SMARCA2: variants seen among roughly 807,000 people sequenced by gnomAD.
SMARCA2 encodes SWI/SNF related BAF chromatin remodeling complex subunit ATPase 2.
Under a neutral mutation model 199.8 loss-of-function variants are expected in SMARCA2, and 61 were observed. The observed-to-expected ratio is 0.31, with a 90% CI of 0.25 to 0.38. SMARCA2 has a LOEUF of 0.38. Among genes scored for constraint, SMARCA2 ranks in the 10% least tolerant of loss-of-function variants. The pLI is 1.00. For missense variants in SMARCA2, 1,344 were observed against 2,012.2 expected (o/e 0.67, Z 6.35); for synonymous variants, 935 against 732.0 (o/e 1.28, Z -4.48).
At chr9:2,028,901 G>A in intron 1 of SMARCA2, 86 bp from the exon 2 acceptor site, 2 of 1,097,512 alleles carry the variant, frequency 1.8e-6, no homozygotes, top group Non-Finnish European at 2.6e-6. Context: ...TACAGAAATG[G>A]CACCATCAAA....
At chr9:2,081,494 A>G (rs1821565813) in intron 14 of SMARCA2, among the ~76,000 whole-genome samples, 1 of 152,122 alleles carries the variant, frequency 6.6e-6, no homozygotes, top group South Asian at 2.1e-4. Context: ...TTGGCTTTTT[A>G]TTCTTGGAGT....
At chr9:2,096,075 A>G (rs564846587) in intron 19 of SMARCA2, among the ~76,000 whole-genome samples, 1 of 152,320 alleles carries the variant, frequency 6.6e-6, no homozygotes, top group African/African-American at 2.4e-5. Flanking sequence ...GTAGTGTCCA[A>G]TTGTGGATTA....
intron 31 of SMARCA2, among the ~76,000 whole-genome samples, chr9:2,183,324 G>A (rs537666863): frequency 6.6e-6 from 1 of 152,240 alleles, no homozygotes; most frequent in East Asian, 1.9e-4. Context: ...CTTTTTATCA[G>A]CCCAATTGCA....
chr9:2,191,560 C>T (rs1586825402), intron 33 of SMARCA2, 152 bp downstream of exon 33: 7 of 818,042 alleles, frequency 8.6e-6, no homozygotes, highest in South Asian at 1.7e-5. Context: ...GGGATGTGAA[C>T]GGAGCTGTAT....
intron 9 of SMARCA2, 99 bp downstream of exon 9, chr9:2,061,085 G>GTAA: frequency 1.7e-6 from 2 of 1,155,286 alleles, no homozygotes; most frequent in Non-Finnish European, 2.4e-6. Context: ...TTACACTGGT[G>GTAA]GAAGGTTTAG....
intron 27 of SMARCA2, chr9:2,159,457 A>G (rs1030670566): frequency 9.5e-6 from 2 of 210,424 alleles, no homozygotes; most frequent in African/African-American, 4.6e-5. Flanking sequence ...GCTATTTTTT[A>G]AAAAATAAGG....
chr9:2,082,166 A>G (rs558074486), intron 15 of SMARCA2, among the ~76,000 whole-genome samples, 171 bp downstream of exon 15: 1 of 152,006 alleles, frequency 6.6e-6, no homozygotes, highest in South Asian at 2.1e-4. Context: ...ACCCCTCCCC[A>G]TCCTAGCCTG....
intron 14 of SMARCA2, 71 bp downstream of exon 14, chr9:2,077,847 G>A: frequency 7.1e-7 from 1 of 1,411,164 alleles, no homozygotes; most frequent in Non-Finnish European, 9.7e-7. Flanking sequence ...AGTATGTCGT[G>A]CACATGTTGA....
chr9:2,156,369 C>G (rs1315611175), intron 27 of SMARCA2, among the ~76,000 whole-genome samples: 5 of 108,550 alleles, frequency 4.6e-5, no homozygotes, highest in African/African-American at 2.0e-4. Flanking sequence ...TTTTCAGGGA[C>G]TTTTTTTTCT....
chr9:2,059,118 C>G (rs1424964079), intron 8 of SMARCA2, among the ~76,000 whole-genome samples: 1 of 151,888 alleles, frequency 6.6e-6, no homozygotes, highest in African/African-American at 2.4e-5. Flanking sequence ...TTTTTATTGA[C>G]CATTTATTTT....
At chr9:2,043,830 C>G (rs1428923979) in intron 4 of SMARCA2, 1 of 152,212 alleles carries the variant, frequency 6.6e-6, no homozygotes, top group Non-Finnish European at 1.5e-5. Context: ...CGCTGGGACT[C>G]CCTTCTGGAG....
At chr9:2,037,241 T>G (rs1819374882) in intron 3 of SMARCA2, among the ~76,000 whole-genome samples, 1 of 152,240 alleles carries the variant, frequency 6.6e-6, no homozygotes, top group Non-Finnish European at 1.5e-5. Context: ...TCTAAGTGTT[T>G]ATTGTTATAA....
intron 3 of SMARCA2, chr9:2,033,295 A>G: frequency 2.0e-6 from 1 of 505,898 alleles, no homozygotes; most frequent in Non-Finnish European, 3.5e-6. Flanking sequence ...TAATTTTACT[A>G]GCCACCATGT....
intron 5 of SMARCA2, among the ~76,000 whole-genome samples, chr9:2,051,054 G>A (rs756236837): frequency 2.0e-5 from 3 of 152,026 alleles, no homozygotes; most frequent in African/African-American, 2.4e-5. Flanking sequence ...TCTCTTTATC[G>A]GACTACCTGC....
At chr9:2,116,876 G>A (rs1450263382) in intron 25 of SMARCA2, among the ~76,000 whole-genome samples, 1 of 152,186 alleles carries the variant, frequency 6.6e-6, no homozygotes, top group Non-Finnish European at 1.5e-5. Context: ...TGAAGAGTAA[G>A]TCTACCTTAC....
At chr9:2,048,802 G>A (rs1467570753) in intron 5 of SMARCA2, among the ~76,000 whole-genome samples, 1 of 152,134 alleles carries the variant, frequency 6.6e-6, no homozygotes, top group Non-Finnish European at 1.5e-5. Flanking sequence ...ATATTTCAGT[G>A]CTGATAGGCA....
chr9:2,122,993 G>T (rs1256163186), intron 26 of SMARCA2, among the ~76,000 whole-genome samples: 1 of 152,162 alleles, frequency 6.6e-6, no homozygotes, highest in African/African-American at 2.4e-5. Context: ...GCTCTGAAAG[G>T]AATCCATTTC....
Position 2,051,127 on chromosome 9 carries a change from C to G in SMARCA2, c.1047-3470C>G. ...GGAACATTATTTAAAATGAAGATTTCTATTAACAACAACAACATCAACAAA... is the reference window on the plus strand; with the variant it reads ...GGAACATTATTTAAAATGAAGATTTGTATTAACAACAACAACATCAACAAA... On this transcript the variant is annotated intron_variant, in intron 5 of 33. Transcript: ENST00000349721. Among the ~76,000 whole-genome samples the G allele has an allele frequency of 1.3e-5, 2 of 152,152 alleles. 1 individual carries two copies. The highest frequency in any genetic ancestry group is 3.9e-4 in the East Asian group (2 of 5,194).
rs960667340 is a variant in SMARCA2 at position 2,123,853 on chromosome 9, G to A, written c.3897G>A (p.Glu1299=). 3 of 1,610,086 alleles carry A rather than the reference G, an allele frequency of 1.9e-6. No individual in the cohort carries two copies. The African/African-American group carries it at 4.0e-5, about 21-fold the overall frequency. ...TAGAAAGGCTCACCTGTGAAGAAGAGGAGGAGAAAATATTTGGGAGGGGGT... is the reference window on the plus strand; with the variant it reads ...TAGAAAGGCTCACCTGTGAAGAAGAAGAGGAGAAAATATTTGGGAGGGGGT... The part of the protein sequence containing the change: ...AEVERLTCEE[E]EEKIFGRGSR... Residue 1299 remains glutamate, a synonymous_variant, in exon 27 of 34, where the codon GAG becomes GAA. Transcript: ENST00000349721. The surrounding 1 kb of genome is among the most constrained non-coding windows in gnomAD (Gnocchi z 4.1).
Sources: allele counts gnomAD v4.1 joint callset (sites outside exome capture counted in the v4.1 genomes callset), GRCh38; gene constraint gnomAD v4.1.1; non-coding constraint Gnocchi (gnomAD v3.1); transcripts MANE v1.5; gene names NCBI Gene and HGNC (gene_info 2026-07-23, HGNC 2026-07-21).